The following ZNF69 variants were observed in gnomAD, a reference collection of about 807,000 sequenced individuals.
The protein encoded by ZNF69 is ZNF3.
In ZNF69, 47 loss-of-function variants were observed where a neutral mutation model predicts 50.9. The ratio of observed to expected loss-of-function variants is 0.92; its 90% confidence interval spans 0.73 to 1.18. The LOEUF (loss-of-function observed/expected upper bound fraction) is 1.18, where lower values mean the gene tolerates loss of function less well. Ranked by LOEUF, ZNF69 falls within the 50% of genes most tolerant of loss-of-function variation. ZNF69 has a pLI of 0.00. For synonymous variants in ZNF69, 216 were observed against 223.1 expected (o/e 0.97, Z 0.29); for missense variants, 717 against 675.1 (o/e 1.06, Z -0.69).
the ZNF69 span, among the ~76,000 whole-genome samples, chr19:11,973,784 T>C: frequency 6.6e-6 from 1 of 151,982 alleles, no homozygotes. Flanking sequence ...TGAGTAAGGC[T>C]GCTAAAAATG....
the ZNF69 span, among the ~76,000 whole-genome samples, chr19:11,925,986 G>A: frequency 6.6e-6 from 1 of 152,174 alleles, no homozygotes; most frequent in East Asian, 1.9e-4. Flanking sequence ...GGTGGGACCT[G>A]TGGAAGGGGG....
the ZNF69 span, chr19:11,950,025 A>G: frequency 6.2e-7 from 1 of 1,613,548 alleles, no homozygotes. Flanking sequence ...AAATACATGA[A>G]AGGAAGCACA....
the ZNF69 span, among the ~76,000 whole-genome samples, chr19:11,942,621 GA>G: frequency 5.9e-5 from 9 of 152,218 alleles, no homozygotes; most frequent in Non-Finnish European, 1.3e-4. Flanking sequence ...GGATCCACAT[GA>G]AAGGATCGTG....
chr19:11,949,782 C>A, the ZNF69 span: 6 of 1,613,262 alleles, frequency 3.7e-6, no homozygotes, highest in Non-Finnish European at 5.1e-6. Flanking sequence ...AAAGGACTCA[C>A]ACTGGAGAGA....
the ZNF69 span, among the ~76,000 whole-genome samples, chr19:11,975,434 G>C: frequency 6.7e-6 from 1 of 148,320 alleles, no homozygotes; most frequent in Admixed American, 6.8e-5. Flanking sequence ...GTCTTGCTCT[G>C]TCGCCCAGGC....
At chr19:11,914,219 C>T (rs773793433) in exon 5 of ZNF69, 9 of 151,732 alleles carry the variant, frequency 5.9e-5, no homozygotes, top group Non-Finnish European at 1.0e-4. Flanking sequence ...AGGAGGCTGA[C>T]GCAGGAGACT....
the ZNF69 span, among the ~76,000 whole-genome samples, chr19:11,929,458 C>T: frequency 3.4e-5 from 5 of 148,332 alleles, 1 homozygote; most frequent in African/African-American, 5.3e-5. Flanking sequence ...CCACTGCGCC[C>T]GGCCTGACTC....
At chr19:11,903,244 A>G (rs1599355737) in intron 1 of ZNF69, among the ~76,000 whole-genome samples, 4 of 152,150 alleles carry the variant, frequency 2.6e-5, no homozygotes, top group African/African-American at 9.6e-5. Context: ...ACCAACATGG[A>G]GAAACCCCGT....
the ZNF69 span, among the ~76,000 whole-genome samples, chr19:11,943,437 T>C: frequency 6.6e-6 from 1 of 152,232 alleles, no homozygotes; most frequent in Non-Finnish European, 1.5e-5. Context: ...TGATTATTTC[T>C]AAGATAGCTT....
At chr19:11,961,065 G>A in the ZNF69 span, among the ~76,000 whole-genome samples, 2 of 152,148 alleles carry the variant, frequency 1.3e-5, no homozygotes, top group African/African-American at 2.4e-5. Flanking sequence ...GATCCCTTGA[G>A]CCCAGGAATT....
the ZNF69 span, among the ~76,000 whole-genome samples, chr19:11,972,779 C>G: frequency 6.6e-6 from 1 of 152,108 alleles, no homozygotes; most frequent in Non-Finnish European, 1.5e-5. Flanking sequence ...CTTCCAAGCT[C>G]ATAATTCCCC....
chr19:11,975,080 G>A, the ZNF69 span, among the ~76,000 whole-genome samples: 178 of 152,024 alleles, frequency 1.2e-3, no homozygotes, highest in Non-Finnish European at 2.1e-3. Flanking sequence ...TCATAGTACG[G>A]GCCAAGATGT....
At chr19:11,970,106 G>T in the ZNF69 span, among the ~76,000 whole-genome samples, 2,983 of 152,282 alleles carry the variant, frequency 0.02, 75 homozygotes, top group African/African-American at 0.059. Context: ...CAATTCTTGG[G>T]GTGCTCAGCT....
chr19:11,978,780 T>A, the ZNF69 span: 1 of 1,614,180 alleles, frequency 6.2e-7, no homozygotes, highest in African/African-American at 1.3e-5. Context: ...GCCATATGAA[T>A]GTAAACAATG....
At chr19:11,940,631 C>T in the ZNF69 span, among the ~76,000 whole-genome samples, 1 of 152,136 alleles carries the variant, frequency 6.6e-6, no homozygotes, top group Admixed American at 6.5e-5. Flanking sequence ...AGATTTATTG[C>T]AAAGAGCAAA....
At chr19:11,963,088 A>AGAGAGAGAGTGTGT in the ZNF69 span, among the ~76,000 whole-genome samples, 1 of 138,248 alleles carries the variant, frequency 7.2e-6, no homozygotes, top group African/African-American at 3.0e-5. Context: ...AGAGAGAGAG[A>AGAGAGAGAGTGTGT]GTGTGTGTGT....
At chr19:11,948,628 A>T in the ZNF69 span, 1 of 1,609,970 alleles carries the variant, frequency 6.2e-7, no homozygotes, top group South Asian at 1.1e-5. Context: ...CTGTGGAAAA[A>T]CCTTTATTTT....
chr19:11,968,333 C>T, the ZNF69 span, among the ~76,000 whole-genome samples: 3 of 152,052 alleles, frequency 2.0e-5, no homozygotes, highest in African/African-American at 7.2e-5. Context: ...CTTACTGCAG[C>T]CTTGACCTCC....
the ZNF69 span, among the ~76,000 whole-genome samples, chr19:11,958,156 T>C: frequency 6.6e-6 from 1 of 152,218 alleles, no homozygotes; most frequent in Non-Finnish European, 1.5e-5. Context: ...CCACACCCCT[T>C]ACTCTTTTTC....
Sources: gnomAD v4.1 joint callset for allele counts (sites outside exome capture counted in the v4.1 genomes callset) on GRCh38, gnomAD v4.1.1 for gene constraint, MANE v1.5 for transcripts, NCBI Gene and HGNC (gene_info 2026-07-23, HGNC 2026-07-21) for gene names.